The following PTPRS variants were observed in gnomAD, a reference collection of about 807,000 sequenced individuals.
PTPRS encodes receptor-type tyrosine-protein phosphatase S.
In PTPRS, 63 loss-of-function variants were observed where a neutral mutation model predicts 215.3. The observed-to-expected ratio is 0.29, with a 90% CI of 0.24 to 0.36. The LOEUF (loss-of-function observed/expected upper bound fraction) is 0.36, where lower values mean the gene tolerates loss of function less well. PTPRS is among the 10% of genes least tolerant of loss of function. The pLI is 1.00. For synonymous variants in PTPRS, 1,404 were observed against 1,191.4 expected (o/e 1.18, Z -3.68); for missense variants, 2,258 against 2,825.8 (o/e 0.80, Z 4.56).
At position 5,222,725 on chromosome 19, in the gene PTPRS, G is replaced by C. The variant is rs752821383; in HGVS notation, c.3067C>G (p.Pro1023Ala). ...AGGAACGTCCGGTAGCGGACGGGGG[G>C]GCTGAAGGGGCCAGGGCCCCGGCGC... ...HTRRGPGPFS[P>A]PVRYRTFLRD... The change falls in exon 18 of 38, where the codon CCC becomes GCC. Residue 1023 changes from proline (P) to alanine (A), a missense_variant. Physicochemically the swap from Pro to Ala is conservative, Grantham distance 27 (BLOSUM62 -1). Around this residue, in one of 6 missense-constraint regions of PTPRS, gnomAD observed 361 missense variants for 332.6 expected, o/e 1.09. Coordinates refer to ENST00000262963, the MANE Select transcript of PTPRS (RefSeq NM_002850.4). The C allele has an allele frequency of 6.9e-5, 110 of 1,596,198 alleles. No homozygotes were observed. The highest frequency in any genetic ancestry group is 9.0e-5 in the East Asian group (4 of 44,638).
At chr19:5,212,978 G>C (rs1004813206) in intron 30 of PTPRS, among the ~76,000 whole-genome samples, 2 of 152,056 alleles carry the variant, frequency 1.3e-5, no homozygotes, top group Admixed American at 1.3e-4. Flanking sequence ...AACTGTATCT[G>C]GCCTTCTCCC....
At chr19:5,251,317 G>A (rs2045042768) in intron 9 of PTPRS, among the ~76,000 whole-genome samples, 1 of 151,656 alleles carries the variant, frequency 6.6e-6, no homozygotes, top group Admixed American at 6.6e-5. Context: ...CCGCCACTGA[G>A]GTAGCGTGCA....
At position 5,216,707 on chromosome 19, in the gene PTPRS, C is replaced by A; in HGVS notation, c.4096+13G>T. The A allele has an allele frequency of 6.4e-7, 1 of 1,553,320 alleles. No individual in the cohort carries two copies. Among genetic ancestry groups the A allele is most frequent in the Non-Finnish European group, 8.8e-7 (1 of 1,142,626 alleles). ...GGGGCGAAAGGAAGCCAAAAACAGA[C>A]ACAAGAACTAACTTTCAAAGTGAAA... On this transcript the variant is annotated intron_variant, in intron 26 of 37. Transcript: ENST00000262963.
At position 5,208,130 on chromosome 19, in the gene PTPRS, C is replaced by T. The variant is rs1024984079; in HGVS notation, c.5643-73G>A. 5.7e-6 allele frequency: 9 copies of T among 1,578,796 alleles called. No homozygotes were observed. The Admixed American group carries it at 1.5e-4, about 27-fold the overall frequency. On this transcript the variant is annotated intron_variant, in intron 36 of 37. Transcript: ENST00000262963. The stretch of plus-strand genomic sequence containing the variant: ...AGCCCTGATCTGACCACCCGATTCC[C>T]CGAGGACTCTAACAGCCCAGATGGG...
At chr19:5,278,386 T>A (rs1728619546) in intron 2 of PTPRS, among the ~76,000 whole-genome samples, 1 of 152,032 alleles carries the variant, frequency 6.6e-6, no homozygotes, top group Non-Finnish European at 1.5e-5. Context: ...GCCCAGCTAA[T>A]TTTTGTACTG....
Position 5,273,392 on chromosome 19 carries a change from C to T in PTPRS, c.379+50G>A, listed in dbSNP as rs762453157. The T allele has an allele frequency of 1.5e-5, 24 of 1,612,732 alleles. No homozygotes were observed. The South Asian group carries it at 2.6e-4, about 18-fold the overall frequency. ...CATGTATTCCTTTTGTGCTTGTCCC[C>T]AAAGCCCAGGGCCCAGTTTATCCTC... On this transcript the variant is annotated intron_variant, in intron 4 of 37. Transcript: ENST00000262963.
chr19:5,268,290 CAG>C (rs2046605609), intron 4 of PTPRS, among the ~76,000 whole-genome samples: 1 of 152,094 alleles, frequency 6.6e-6, no homozygotes, highest in Non-Finnish European at 1.5e-5. Context: ...GTTGCTGCGA[CAG>C]AGACCGTCCA....
chr19:5,305,891 G>C (rs1257823815), intron 1 of PTPRS, among the ~76,000 whole-genome samples: 10 of 111,616 alleles, frequency 9.0e-5, no homozygotes, highest in African/African-American at 3.5e-4. Flanking sequence ...AGTAAGCCGA[G>C]ATCGCGCCAC....
chr19:5,207,956 A>G lies in PTPRS; in HGVS notation c.5744T>C (p.Leu1915Pro). The part of the protein sequence containing the change: ...VVDIFQTVKM[L>P]RTQRPAMVQT... ...CACCATGGCCGGCCGCTGGGTTCGT[A>G]GCATCTTCACCGTCTGAAAGATGTC... The change falls in exon 37 of 38, where the codon CTA becomes CCA. Residue 1915 changes from leucine (L) to proline (P), a missense_variant. Around this residue, in one of 6 missense-constraint regions of PTPRS, gnomAD observed 89 missense variants for 104.0 expected, o/e 0.86. Transcript: ENST00000262963. 1 of 1,614,072 alleles carries G rather than the reference A, an allele frequency of 6.2e-7. No individual in the cohort carries two copies. Among genetic ancestry groups the G allele is most frequent in the South Asian group, 1.1e-5 (1 of 91,082 alleles).
chr19:5,206,113 C>T lies in PTPRS; in HGVS notation c.*661G>A, dbSNP rs961295663. Among the ~76,000 whole-genome samples the T allele has an allele frequency of 9.6e-5, 14 of 145,226 alleles. No homozygotes were observed. Among genetic ancestry groups the T allele is most frequent in the Non-Finnish European group, 1.9e-4 (13 of 67,130 alleles). Reference sequence around the variant, plus strand: ...AAGGTACAGCCATGGGCCTGGCGTGCGCGTTTGCGAACGTAACTATCACAC... The same window carrying T: ...AAGGTACAGCCATGGGCCTGGCGTGTGCGTTTGCGAACGTAACTATCACAC... On this transcript the variant is annotated 3_prime_UTR_variant, in exon 38 of 38. Coordinates refer to ENST00000262963, the MANE Select transcript of PTPRS (RefSeq NM_002850.4).
Position 5,237,498 on chromosome 19 carries a change from C to T in PTPRS, c.1849+1421G>A, listed in dbSNP as rs1276652812. Among the ~76,000 whole-genome samples, 3 of 152,200 alleles carry T rather than the reference C, an allele frequency of 2.0e-5. No homozygotes were observed. Among genetic ancestry groups the T allele is most frequent in the African/African-American group, 4.8e-5 (2 of 41,460 alleles). On this transcript the variant is annotated intron_variant, in intron 13 of 37. Transcript: ENST00000262963. This position sits in a 1 kb window ranked among gnomAD's most constrained non-coding sequence, Gnocchi z 4.2. ...ATCCGGCCCAACCTGCATGACATCT[C>T]GGGAAGGGATGTGTGCAAAGACGTG...
rs182639537 is a variant in PTPRS, at chr19:5,225,715, C to T, written c.2494+12G>A. ...GGGCTGTTGGTGGGTGGGAGGAGGG[C>T]GGGTTGCATACCTGCTCCCTTGGTC... On this transcript the variant is annotated intron_variant, in intron 17 of 37. Transcript: ENST00000262963. 318 of 1,603,646 alleles carry T rather than the reference C, an allele frequency of 2.0e-4. 2 individuals carry two copies. The East Asian group carries it at 6.6e-3, about 33-fold the overall frequency.
intron 1 of PTPRS, among the ~76,000 whole-genome samples, chr19:5,332,503 A>AACAG (rs1333601242): frequency 5.3e-5 from 8 of 152,322 alleles, no homozygotes; most frequent in African/African-American, 1.9e-4. Context: ...CCCTGGAGCC[A>AACAG]TTCAGGGCTT....
At chr19:5,227,707 G>A (rs1353377570) in intron 16 of PTPRS, among the ~76,000 whole-genome samples, 5 of 152,166 alleles carry the variant, frequency 3.3e-5, no homozygotes, top group Non-Finnish European at 5.9e-5. Context: ...ACCATGCCCT[G>A]CCGATGTGTG....
chr19:5,277,123 G>C (rs1237944598), intron 2 of PTPRS, among the ~76,000 whole-genome samples: 1 of 148,740 alleles, frequency 6.7e-6, no homozygotes, highest in Admixed American at 6.8e-5. Flanking sequence ...GCAGTGGCGC[G>C]ATCTTGGCTC....
At chr19:5,214,213 G>C in intron 30 of PTPRS, 148 bp downstream of exon 30, 4 of 1,145,932 alleles carry the variant, frequency 3.5e-6, no homozygotes, top group Non-Finnish European at 4.9e-6. Flanking sequence ...CACGGAAGTG[G>C]GTTCCATGAG....
At chr19:5,216,089 G>C (rs2041417611) in intron 26 of PTPRS, among the ~76,000 whole-genome samples, 2 of 152,160 alleles carry the variant, frequency 1.3e-5, no homozygotes, top group Admixed American at 1.3e-4. Flanking sequence ...TCCGCTTCCA[G>C]GTAGAGGCGA....
chr19:5,312,133 C>T (rs1285662230), intron 1 of PTPRS, among the ~76,000 whole-genome samples: 1 of 151,954 alleles, frequency 6.6e-6, no homozygotes, highest in Non-Finnish European at 1.5e-5. Flanking sequence ...CAACACATCT[C>T]ATAGGAAAGC....
intron 1 of PTPRS, among the ~76,000 whole-genome samples, chr19:5,302,756 G>A (rs1454390253): frequency 1.3e-5 from 2 of 152,058 alleles, no homozygotes; most frequent in Admixed American, 6.6e-5. Flanking sequence ...GTACGTTCCT[G>A]ACTTCAAAAA....
Sources: allele counts gnomAD v4.1 joint callset (sites outside exome capture counted in the v4.1 genomes callset), GRCh38; gene constraint gnomAD v4.1.1; regional missense constraint gnomAD v4.1.1; non-coding constraint Gnocchi (gnomAD v3.1); transcripts MANE v1.5; gene names NCBI Gene and HGNC (gene_info 2026-07-23, HGNC 2026-07-21).